Variants in PIAS2 observed in about 807,000 individuals in gnomAD.
PIAS2 encodes E3 SUMO-protein ligase PIAS2.
A neutral mutation model predicts 69.7 loss-of-function variants in PIAS2; 19 were observed. The ratio of observed to expected loss-of-function variants is 0.27; its 90% CI spans 0.19 to 0.40. PIAS2 has a LOEUF of 0.40. PIAS2 is among the 10% of genes least tolerant of loss of function. The pLI is 1.00. For missense variants in PIAS2, 624 were observed against 757.0 expected (o/e 0.82, Z 2.06); for synonymous variants, 261 against 263.2 (o/e 0.99, Z 0.08).
chr18:46,812,813 T>C (rs2041106793), intron 13 of PIAS2, among the ~76,000 whole-genome samples: 1 of 152,152 alleles, frequency 6.6e-6, no homozygotes, highest in Non-Finnish European at 1.5e-5. Context: ...ATGCAGCATA[T>C]ATTCTTGATT....
intron 5 of PIAS2, among the ~76,000 whole-genome samples, chr18:46,847,478 C>A (rs2046320077): frequency 6.6e-6 from 1 of 151,470 alleles, no homozygotes; most frequent in Middle Eastern, 3.4e-3. Context: ...TAGTCATCAA[C>A]CGTATTTTTT....
chr18:46,909,046 A>G (rs2056962639), intron 1 of PIAS2, among the ~76,000 whole-genome samples: 1 of 152,148 alleles, frequency 6.6e-6, no homozygotes, highest in Non-Finnish European at 1.5e-5. Flanking sequence ...AGTGAGCCCA[A>G]TTGAAAGGAG....
intron 2 of PIAS2, among the ~76,000 whole-genome samples, chr18:46,865,522 C>CA (rs11321908): frequency 0.016 from 1,695 of 108,164 alleles, 14 homozygotes; most frequent in Middle Eastern, 0.023. Flanking sequence ...CGATAGTCTT[C>CA]AAAAAAAAAA....
At chr18:46,847,259 G>A (rs2046288460) in intron 5 of PIAS2, among the ~76,000 whole-genome samples, 1 of 152,136 alleles carries the variant, frequency 6.6e-6, no homozygotes, top group Non-Finnish European at 1.5e-5. Context: ...GAAGTGAGGG[G>A]AAAGAAAGAA....
chr18:46,900,291 A>C (rs1193929061), intron 1 of PIAS2, among the ~76,000 whole-genome samples: 1 of 151,972 alleles, frequency 6.6e-6, no homozygotes, highest in Non-Finnish European at 1.5e-5. Context: ...TAAACCCAGG[A>C]GGCAGAGGTT....
At chr18:46,846,615 G>T in intron 6 of PIAS2, 92 bp downstream of exon 6, 2 of 1,245,778 alleles carry the variant, frequency 1.6e-6, no homozygotes, top group Non-Finnish European at 2.2e-6. Context: ...TCCAAAAACA[G>T]AAAGAGCTGA....
chr18:46,858,469 T>C (rs1296044094), intron 3 of PIAS2, among the ~76,000 whole-genome samples: 1 of 152,092 alleles, frequency 6.6e-6, no homozygotes, highest in East Asian at 1.9e-4. Context: ...TCCCAACATT[T>C]AGGAAGGCTG....
At chr18:46,812,743 A>G (rs2041099395) in intron 13 of PIAS2, 131 bp from the exon 14 acceptor site, 2 of 561,614 alleles carry the variant, frequency 3.6e-6, no homozygotes, top group Admixed American at 6.6e-5. Context: ...AAATTGCTCA[A>G]AACTTCACAT....
intron 2 of PIAS2, among the ~76,000 whole-genome samples, chr18:46,871,891 T>G (rs561925363): frequency 3.4e-4 from 52 of 152,300 alleles, no homozygotes; most frequent in East Asian, 1.2e-3. Context: ...TCCAAACGGA[T>G]TTCTCACCTC....
At position 46,812,358 on chromosome 18, in the gene PIAS2, G is replaced by T; in HGVS notation, c.*75C>A. 1.4e-4 allele frequency: 84 copies of T among 591,042 alleles called. No individual in the cohort carries two copies. The highest frequency in any genetic ancestry group is 1.9e-4 in the Non-Finnish European group (74 of 387,204). The allele number at this position is 591,042 out of a possible 1,614,324, so 36.6% of individuals were successfully genotyped here. On this transcript the variant is annotated 3_prime_UTR_variant, in exon 14 of 14. Transcript: ENST00000585916. ...CAAATTATTAAAAAAAAAAAAAAAA[G>T]AACGTTTCCACAGACTAGAGATCCA...
At chr18:46,848,829 C>T (rs187057340) in intron 5 of PIAS2, among the ~76,000 whole-genome samples, 1,940 of 146,066 alleles carry the variant, frequency 0.013, 136 homozygotes, top group Admixed American at 0.12. Flanking sequence ...TCTTAAGTTG[C>T]TCAAGTGAAA....
In PIAS2 at chr18:46,809,666, A is replaced by T. The variant is rs981050898; in HGVS notation, c.*2767T>A. 4 of 152,328 alleles carry T rather than the reference A, an allele frequency of 2.6e-5. No individual in the cohort carries two copies. The highest frequency in any genetic ancestry group is 2.6e-4 in the Admixed American group (4 of 15,248). The allele number at this position is 152,328 out of a possible 1,614,324, so 9.4% of individuals were successfully genotyped here. ...GCTACTCGGGAGGCTGAGGCAGGAG[A>T]ATCGCTTGAACCCTGTAGGTGGAGG... On this transcript the variant is annotated 3_prime_UTR_variant, in exon 14 of 14. Transcript: ENST00000585916.
intron 11 of PIAS2, among the ~76,000 whole-genome samples, chr18:46,826,525 C>T (rs951572648): frequency 1.3e-5 from 2 of 152,224 alleles, no homozygotes; most frequent in African/African-American, 4.8e-5. Context: ...CGTATCATTA[C>T]AGAGTAAAAT....
rs1224824802 is a variant in PIAS2 at position 46,806,059 on chromosome 18, C to T, written c.*6374G>A. The T allele has an allele frequency of 1.3e-5, 2 of 152,210 alleles. No homozygotes were observed. The highest frequency in any genetic ancestry group is 4.8e-5 in the African/African-American group (2 of 41,446). 9.4% of individuals were successfully genotyped at this position (152,210 alleles called of 1,614,324 possible). On this transcript the variant is annotated 3_prime_UTR_variant, in exon 14 of 14. Transcript: ENST00000585916. ...CTTCCTTTGAAATGGCTTCAGCATC[C>T]ACTCCTTCCTTATTACTCTGGCCAT...
At chr18:46,888,290 A>ACTG (rs2145951831) in intron 2 of PIAS2, among the ~76,000 whole-genome samples, 1 of 152,258 alleles carries the variant, frequency 6.6e-6, no homozygotes, top group East Asian at 1.9e-4. Context: ...GAAAAGAAAG[A>ACTG]CTTAATATTG....
chr18:46,863,100 T>C (rs2048920762), intron 3 of PIAS2, among the ~76,000 whole-genome samples: 1 of 152,194 alleles, frequency 6.6e-6, no homozygotes, highest in Admixed American at 6.5e-5. Context: ...TACAAATGGG[T>C]CTACCAATAC....
rs1303350710 is a variant in PIAS2, at chr18:46,829,725, T to C, written c.1336+9A>G. ...ACTGCTTTACTCTCTGCTGCTATTCTACACATACTTTCTATTTTTGTACAC... is the reference window on the plus strand; with the variant it reads ...ACTGCTTTACTCTCTGCTGCTATTCCACACATACTTTCTATTTTTGTACAC... On this transcript the variant is annotated intron_variant, in intron 10 of 13. Coordinates refer to ENST00000585916, the MANE Select transcript of PIAS2 (RefSeq NM_004671.5). 3.1e-6 allele frequency: 5 copies of C among 1,611,212 alleles called. No individual in the cohort carries two copies. The highest frequency in any genetic ancestry group is 3.4e-6 in the Non-Finnish European group (4 of 1,178,644).
chr18:46,848,746 T>C (rs2046521466), intron 5 of PIAS2, among the ~76,000 whole-genome samples: 1 of 150,240 alleles, frequency 6.7e-6, no homozygotes, highest in Non-Finnish European at 1.5e-5. Flanking sequence ...CATTATAATA[T>C]GGAAATGAAA....
At chr18:46,916,075 G>T (rs1455679051) in intron 1 of PIAS2, among the ~76,000 whole-genome samples, 1 of 152,098 alleles carries the variant, frequency 6.6e-6, no homozygotes, top group Non-Finnish European at 1.5e-5. Flanking sequence ...CTAGTATGGG[G>T]CATAACATGT....
Sources: allele counts gnomAD v4.1 joint callset (sites outside exome capture counted in the v4.1 genomes callset), GRCh38; gene constraint gnomAD v4.1.1; transcripts MANE v1.5; gene names NCBI Gene and HGNC (gene_info 2026-07-23, HGNC 2026-07-21).